CTNND2: variants seen among roughly 807,000 people sequenced by gnomAD.
CTNND2 encodes catenin delta-2.
A neutral mutation model predicts 144.4 loss-of-function variants in CTNND2; 22 were observed. The observed-to-expected ratio is 0.15, with a 90% CI of 0.11 to 0.22. The LOEUF is 0.22. Ranked by LOEUF, CTNND2 falls within the 10% of genes least tolerant of loss-of-function variation. CTNND2 has a pLI of 1.00. For synonymous variants in CTNND2, 751 were observed against 695.6 expected (o/e 1.08, Z -1.25); for missense variants, 1,353 against 1,618.8 (o/e 0.84, Z 2.82).
chr5:11,729,043 A>G (rs1486449409), intron 2 of CTNND2, among the ~76,000 whole-genome samples: 1 of 152,114 alleles, frequency 6.6e-6, no homozygotes, highest in Non-Finnish European at 1.5e-5. Context: ...AGCTCATGGA[A>G]TCTGCTGCTT....
chr5:11,224,128 G>A (rs145962315), intron 10 of CTNND2, among the ~76,000 whole-genome samples: 16 of 152,206 alleles, frequency 1.1e-4, no homozygotes, highest in African/African-American at 2.9e-4. Flanking sequence ...TCCACGCAGC[G>A]GTATTTGTCC....
intron 15 of CTNND2, among the ~76,000 whole-genome samples, chr5:11,094,480 CT>C (rs35048441): frequency 0.15 from 19,553 of 127,456 alleles, 1,047 homozygotes; most frequent in Non-Finnish European, 0.22. Context: ...AGAGTTCTTG[CT>C]TTTTTTTTTT....
chr5:11,123,934 C>CA (rs1249398402), intron 12 of CTNND2, among the ~76,000 whole-genome samples: 1 of 152,206 alleles, frequency 6.6e-6, no homozygotes, highest in African/African-American at 2.4e-5. Flanking sequence ...CCACACACAC[C>CA]AGTTATGGCC....
In CTNND2 at chr5:11,903,220, C is replaced by A; in HGVS notation, c.37+597G>T. The A allele has an allele frequency of 1.0e-6, 1 of 985,442 alleles. No homozygotes were observed. The highest frequency in any genetic ancestry group is 1.2e-6 in the Non-Finnish European group (1 of 829,970). The allele number at this position is 985,442 out of a possible 1,614,324, so 61.0% of individuals were successfully genotyped here. On this transcript the variant is annotated intron_variant, in intron 1 of 21. Transcript: ENST00000304623. This position sits in a 1 kb window ranked among gnomAD's most constrained non-coding sequence, Gnocchi z 5.4. ...GGAGCCTGGCTGTCTATTGTCAGCA[C>A]GCAGAAGCCCCCGAAACCTGTGAAG... is the stretch of plus-strand genomic sequence containing the variant.
chr5:11,382,419 T>C (rs1381671092), intron 7 of CTNND2, among the ~76,000 whole-genome samples: 2 of 152,026 alleles, frequency 1.3e-5, no homozygotes, highest in African/African-American at 4.8e-5. Context: ...GCCCACATGG[T>C]GAAACCCAGT....
intron 1 of CTNND2, among the ~76,000 whole-genome samples, chr5:11,800,870 T>A (rs1271137600): frequency 6.6e-6 from 1 of 152,170 alleles, no homozygotes; most frequent in African/African-American, 2.4e-5. Flanking sequence ...AAAATACATT[T>A]TAGAATTCCC....
At chr5:11,663,912 C>T (rs1006589316) in intron 2 of CTNND2, among the ~76,000 whole-genome samples, 4 of 151,974 alleles carry the variant, frequency 2.6e-5, no homozygotes, top group African/African-American at 9.7e-5. Context: ...TTTAATGATA[C>T]TAAAAGGGAT....
intron 10 of CTNND2, among the ~76,000 whole-genome samples, chr5:11,229,668 G>A (rs1740770878): frequency 7.0e-6 from 1 of 142,276 alleles, no homozygotes; most frequent in Middle Eastern, 3.7e-3. Context: ...GTGTGTGTGT[G>A]TGTGTATATA....
intron 3 of CTNND2, among the ~76,000 whole-genome samples, chr5:11,421,183 T>A (rs996134969): frequency 6.6e-6 from 1 of 152,162 alleles, no homozygotes; most frequent in African/African-American, 2.4e-5. Flanking sequence ...GCAATCACCA[T>A]GACAACAACT....
intron 12 of CTNND2, among the ~76,000 whole-genome samples, chr5:11,151,564 TA>T (rs1757760892): frequency 6.6e-6 from 1 of 152,266 alleles, no homozygotes. Context: ...TTCATAGGAA[TA>T]ATGACTATTC....
intron 1 of CTNND2, among the ~76,000 whole-genome samples, chr5:11,733,561 C>T (rs970425832): frequency 1.3e-5 from 2 of 152,044 alleles, no homozygotes; most frequent in Non-Finnish European, 2.9e-5. Context: ...GAAAATCATA[C>T]AGAAGCCATG....
Sources: allele counts gnomAD v4.1 joint callset (sites outside exome capture counted in the v4.1 genomes callset), GRCh38; gene constraint gnomAD v4.1.1; non-coding constraint Gnocchi (gnomAD v3.1); transcripts MANE v1.5; gene names NCBI Gene and HGNC (gene_info 2026-07-23, HGNC 2026-07-21).